NWD1: variants seen among roughly 807,000 people sequenced by gnomAD.
The protein encoded by NWD1 is NACHT domain- and WD repeat-containing protein 1.
A neutral mutation model predicts 135.1 loss-of-function variants in NWD1; 129 were observed. The observed-to-expected ratio is 0.96, with a 90% CI of 0.83 to 1.11. The LOEUF is 1.11. NWD1 is among the 50% of genes least tolerant of loss of function. The pLI is 0.00. For synonymous variants in NWD1, 773 were observed against 786.0 expected (o/e 0.98, Z 0.28); for missense variants, 1,740 against 1,851.3 (o/e 0.94, Z 1.10).
At chr19:16,734,673 T>C (rs974236109) in intron 3 of NWD1, among the ~76,000 whole-genome samples, 3 of 151,538 alleles carry the variant, frequency 2.0e-5, no homozygotes, top group Non-Finnish European at 4.4e-5. Flanking sequence ...TGGGCTCAGG[T>C]GATCCTCCTG....
chr19:16,745,149 T>C (rs923060305), intron 5 of NWD1: 13 of 445,976 alleles, frequency 2.9e-5, no homozygotes, highest in East Asian at 6.9e-5. Flanking sequence ...TGGTGGCAGG[T>C]AAGACAGAGT....
intron 13 of NWD1, among the ~76,000 whole-genome samples, chr19:16,791,077 A>AT (rs1970227245): frequency 6.6e-6 from 1 of 152,038 alleles, no homozygotes; most frequent in Non-Finnish European, 1.5e-5. Flanking sequence ...ACAAAAACAA[A>AT]TTTAAAAATA....
At chr19:16,807,387 G>T (rs1970780950) in intron 17 of NWD1, among the ~76,000 whole-genome samples, 199 bp from the exon 18 acceptor site, 1 of 152,096 alleles carries the variant, frequency 6.6e-6, no homozygotes, top group East Asian at 1.9e-4. Context: ...CAGCTACTCG[G>T]GAGGCTGCGG....
chr19:16,744,387 G>T (rs1306018454), intron 4 of NWD1, 34 bp from the exon 5 acceptor site: 1 of 1,530,796 alleles, frequency 6.5e-7, no homozygotes, highest in Non-Finnish European at 8.8e-7. Flanking sequence ...AAGAAAAAAA[G>T]TGAGATTTGA....
chr19:16,755,227 T>TG (rs1050520484), intron 6 of NWD1, among the ~76,000 whole-genome samples: 119 of 151,748 alleles, frequency 7.8e-4, no homozygotes, highest in African/African-American at 1.2e-3. Context: ...CTCTCTTTTT[T>TG]GGGGGGGGAC....
intron 6 of NWD1, among the ~76,000 whole-genome samples, chr19:16,751,115 T>G (rs980025089): frequency 9.9e-5 from 15 of 151,490 alleles, no homozygotes; most frequent in African/African-American, 3.6e-4. Flanking sequence ...TCCCAGCTAC[T>G]TGGGAGGCTG....
chr19:16,762,613 A>G (rs1599485802), intron 8 of NWD1, among the ~76,000 whole-genome samples: 1 of 152,128 alleles, frequency 6.6e-6, no homozygotes, highest in African/African-American at 2.4e-5. Context: ...TGATGTTAAA[A>G]TCTTATATAA....
At chr19:16,734,316 A>G (rs773815707) in intron 3 of NWD1, among the ~76,000 whole-genome samples, 1 of 152,116 alleles carries the variant, frequency 6.6e-6, no homozygotes, top group Non-Finnish European at 1.5e-5. Context: ...TGGGAGGCCG[A>G]GACAGGCAGA....
intron 16 of NWD1, among the ~76,000 whole-genome samples, chr19:16,798,647 C>T (rs1197535265): frequency 3.9e-5 from 6 of 152,032 alleles, no homozygotes; most frequent in African/African-American, 1.4e-4. Context: ...TTTTTTGAGA[C>T]CAAGTCTCAC....
intron 2 of NWD1, among the ~76,000 whole-genome samples, chr19:16,729,407 CCTT>C (rs1337662975): frequency 1.3e-5 from 2 of 151,978 alleles, no homozygotes; most frequent in Admixed American, 6.6e-5. Flanking sequence ...TCCCTCTTCT[CCTT>C]CTTATTCTGA....
chr19:16,787,252 G>A (rs1235116249), intron 12 of NWD1, among the ~76,000 whole-genome samples: 3 of 151,944 alleles, frequency 2.0e-5, no homozygotes, highest in African/African-American at 7.2e-5. Flanking sequence ...TCAGCTTCCC[G>A]AGTAGCTAGG....
chr19:16,765,488 T>C (rs1969189998), intron 10 of NWD1, among the ~76,000 whole-genome samples: 1 of 152,056 alleles, frequency 6.6e-6, no homozygotes, highest in South Asian at 2.1e-4. Context: ...TATGCACCAC[T>C]GTGCCTTGCT....
intron 3 of NWD1, among the ~76,000 whole-genome samples, chr19:16,736,234 T>TTCCTTCCTTCCTTCCTTC (rs1477114202): frequency 2.5e-4 from 37 of 150,488 alleles, no homozygotes; most frequent in Non-Finnish European, 3.5e-4. Flanking sequence ...CCTACCTTCC[T>TTCCTTCCTTCCTTCCTTC]CTCTCTCTTT....
intron 3 of NWD1, among the ~76,000 whole-genome samples, chr19:16,735,454 T>C (rs1967753102): frequency 2.0e-5 from 3 of 147,026 alleles, no homozygotes; most frequent in African/African-American, 7.6e-5. Flanking sequence ...TGTGGTGAGC[T>C]GAGAGTGCAC....
Position 16,750,320 on chromosome 19 carries a change from G to A in NWD1, c.1678G>A (p.Glu560Lys). Reference protein sequence around the residue: ...TVPVPLATTAEEATHQLCTRL... With the variant: ...TVPVPLATTAKEATHQLCTRL... ...GCCTGTCCCGCTGGCCACCACCGCAGAGGAAGCCACGCACCAACTCTGCAC... is the reference window on the plus strand; with the variant it reads ...GCCTGTCCCGCTGGCCACCACCGCAAAGGAAGCCACGCACCAACTCTGCAC... Residue 560 changes from glutamate (E) to lysine (K), a missense_variant, in exon 6 of 19, where the codon GAG becomes AAG. Physicochemically the swap from Glu to Lys is moderately conservative, Grantham distance 56 (BLOSUM62 1). Transcript: ENST00000524140. 6.2e-7 allele frequency: 1 copy of A among 1,613,522 alleles called. No homozygotes were observed. Among genetic ancestry groups the A allele is most frequent in the Non-Finnish European group, 8.5e-7 (1 of 1,179,996 alleles).
chr19:16,734,813 C>T lies in NWD1; in HGVS notation c.82-1821C>T, dbSNP rs1181424821. Among the ~76,000 whole-genome samples, 19 of 152,042 alleles carry T rather than the reference C, an allele frequency of 1.2e-4. No homozygotes were observed. The East Asian group carries it at 2.5e-3, about 20-fold the overall frequency. On this transcript the variant is annotated intron_variant, in intron 3 of 18. Coordinates refer to ENST00000524140, the MANE Select transcript of NWD1 (RefSeq NM_001007525.5). Reference sequence around the variant, plus strand: ...ATTGTTCAGGCTGGTCTCAAACTCCCGGCCTCAAGAGATCCTCCTCCCTCA... The same window carrying T: ...ATTGTTCAGGCTGGTCTCAAACTCCTGGCCTCAAGAGATCCTCCTCCCTCA...
Position 16,768,971 on chromosome 19 carries a change from G to A in NWD1, c.2410+3779G>A, listed in dbSNP as rs551593064. Among the ~76,000 whole-genome samples the A allele has an allele frequency of 7.9e-5, 12 of 152,248 alleles. No individual in the cohort carries two copies. In the East Asian group the frequency reaches 1.2e-3, roughly 15 times the overall value. The stretch of plus-strand genomic sequence containing the variant: ...TGTCTCTCCTCCAGACAGCATCCTC[G>A]GAGGTCTGCCTACTTTGGATTCATT... On this transcript the variant is annotated intron_variant, in intron 10 of 18. Coordinates refer to ENST00000524140, the MANE Select transcript of NWD1 (RefSeq NM_001007525.5).
intron 12 of NWD1, among the ~76,000 whole-genome samples, chr19:16,785,886 A>G (rs1187086186): frequency 6.6e-6 from 1 of 150,994 alleles, no homozygotes; most frequent in Non-Finnish European, 1.5e-5. Context: ...TGTTTTTGAG[A>G]TAGAGTCCCA....
chr19:16,743,181 G>A (rs1259721683), intron 4 of NWD1, among the ~76,000 whole-genome samples: 2 of 151,404 alleles, frequency 1.3e-5, no homozygotes, highest in Non-Finnish European at 2.9e-5. Context: ...AAAGTGTTGA[G>A]ATTACAGGCG....
Sources: gnomAD v4.1 joint callset for allele counts (sites outside exome capture counted in the v4.1 genomes callset) on GRCh38, gnomAD v4.1.1 for gene constraint, MANE v1.5 for transcripts, NCBI Gene and HGNC (gene_info 2026-07-23, HGNC 2026-07-21) for gene names.